The following CYP2C19 variants were observed in gnomAD, a reference collection of about 807,000 sequenced individuals.
CYP2C19 encodes the protein cytochrome P450 2C19.
A neutral mutation model predicts 40.9 loss-of-function variants in CYP2C19; 59 were observed. That is an observed-to-expected ratio of 1.44 (90% CI 1.17 to 1.79). The LOEUF is 1.79. Ranked by LOEUF, CYP2C19 falls within the 40% of genes most tolerant of loss-of-function variation. The probability of loss-of-function intolerance (pLI) is 0.00; values close to 1 mark genes in which losing one functional copy is unlikely to be tolerated. For missense variants in CYP2C19, 754 were observed against 596.9 expected, an observed-to-expected ratio of 1.26 and a Z score of -2.74; for synonymous variants, 253 against 208.7, an observed-to-expected ratio of 1.21 and a Z score of -1.83.
chr10:94,815,832 C>T (rs1440868858), intron 5 of CYP2C19, among the ~76,000 whole-genome samples: 1 of 152,118 alleles, frequency 6.6e-6, no homozygotes, highest in Non-Finnish European at 1.5e-5. Flanking sequence ...TGTTTTTATA[C>T]AATTTCAACT....
At chr10:94,797,111 T>C (rs1284142511) in intron 5 of CYP2C19, among the ~76,000 whole-genome samples, 1 of 152,142 alleles carries the variant, frequency 6.6e-6, no homozygotes, top group Non-Finnish European at 1.5e-5. Flanking sequence ...CCATTCAGTA[T>C]GATATTGGCT....
At chr10:94,797,633 G>A (rs1459113220) in intron 5 of CYP2C19, among the ~76,000 whole-genome samples, 2 of 151,626 alleles carry the variant, frequency 1.3e-5, no homozygotes, top group Non-Finnish European at 2.9e-5. Context: ...TTTTTTTTTG[G>A]TTGGTAGGCT....
At chr10:94,788,323 G>A (rs962457240) in intron 5 of CYP2C19, among the ~76,000 whole-genome samples, 3 of 152,106 alleles carry the variant, frequency 2.0e-5, no homozygotes, top group African/African-American at 7.2e-5. Context: ...TTCTAGGTCT[G>A]AGATGGAGCT....
chr10:94,847,239 C>T (rs1022128147), intron 7 of CYP2C19, among the ~76,000 whole-genome samples: 2 of 152,078 alleles, frequency 1.3e-5, no homozygotes, highest in African/African-American at 2.4e-5. Flanking sequence ...CCCTCCACCC[C>T]AAAACAGTCC....
chr10:94,794,247 G>A (rs769219043), intron 5 of CYP2C19, among the ~76,000 whole-genome samples: 1 of 152,072 alleles, frequency 6.6e-6, no homozygotes, highest in Non-Finnish European at 1.5e-5. Flanking sequence ...AATTTTCCAG[G>A]AACCATCTGT....
At chr10:94,791,978 T>C (rs1848611038) in intron 5 of CYP2C19, among the ~76,000 whole-genome samples, 1 of 152,118 alleles carries the variant, frequency 6.6e-6, no homozygotes, top group Non-Finnish European at 1.5e-5. Flanking sequence ...AAGCCTCCCA[T>C]TATTATTGTG....
Position 94,842,225 on chromosome 10 carries a change from C to T in CYP2C19, c.962-612C>T, listed in dbSNP as rs142374225. On this transcript the variant is annotated intron_variant, in intron 6 of 8. Coordinates refer to ENST00000371321, the MANE Select transcript of CYP2C19 (RefSeq NM_000769.4). ...TTCCATCCTCTTGCCAAGCTGACTGCTTTATCATCAATTGTCATATTCTTT... is the reference window on the plus strand; with the variant it reads ...TTCCATCCTCTTGCCAAGCTGACTGTTTTATCATCAATTGTCATATTCTTT... Among the ~76,000 whole-genome samples the T allele has an allele frequency of 3.1e-3, 473 of 152,022 alleles. 3 individuals carry two copies. Among genetic ancestry groups the T allele is most frequent in the African/African-American group, 0.011 (450 of 41,360 alleles).
rs567260291 is a variant in CYP2C19, at chr10:94,827,969, C to G, written c.961+7332C>G. ...GTTGTTCAGTTTCCATGTAGTTGAG[C>G]GGTTTTGAGTGAGTTTCTTAATCCC... On this transcript the variant is annotated intron_variant, in intron 6 of 8. Coordinates refer to ENST00000371321, the MANE Select transcript of CYP2C19 (RefSeq NM_000769.4). 1.6e-3 allele frequency among the ~76,000 whole-genome samples: 244 copies of G among 151,732 alleles called. 1 individual carries two copies. Among genetic ancestry groups the G allele is most frequent in the Non-Finnish European group, 2.8e-3 (188 of 67,938 alleles).
chr10:94,768,455 C>T (rs541902102), intron 1 of CYP2C19, among the ~76,000 whole-genome samples: 2 of 152,150 alleles, frequency 1.3e-5, no homozygotes, highest in South Asian at 2.1e-4. Context: ...ACCTTGGTTC[C>T]CCATCCTCTG....
chr10:94,765,527 C>G (rs1487029695), intron 1 of CYP2C19, among the ~76,000 whole-genome samples: 1 of 152,058 alleles, frequency 6.6e-6, no homozygotes. Flanking sequence ...GTGTTGGGAG[C>G]AAACTGAGTG....
intron 6 of CYP2C19, among the ~76,000 whole-genome samples, chr10:94,840,962 G>T (rs1196421525): frequency 6.6e-6 from 1 of 152,314 alleles, no homozygotes; most frequent in Admixed American, 6.5e-5. Context: ...TAGTGAAAGT[G>T]GTCCAATATT....
intron 5 of CYP2C19, among the ~76,000 whole-genome samples, chr10:94,782,347 G>A (rs960742564): frequency 6.6e-6 from 1 of 151,992 alleles, no homozygotes; most frequent in East Asian, 1.9e-4. Flanking sequence ...AGTGAGTGAA[G>A]GATATGAACA....
At chr10:94,777,622 C>T (rs976580085) in intron 3 of CYP2C19, among the ~76,000 whole-genome samples, 2 of 152,066 alleles carry the variant, frequency 1.3e-5, no homozygotes, top group Non-Finnish European at 2.9e-5. Context: ...AAACTGGATC[C>T]CTTCCTTTCA....
intron 7 of CYP2C19, among the ~76,000 whole-genome samples, chr10:94,848,599 T>C (rs1849607208): frequency 6.6e-6 from 1 of 152,204 alleles, no homozygotes; most frequent in Non-Finnish European, 1.5e-5. Flanking sequence ...AAGTAGTTTT[T>C]CCAATTCTGT....
chr10:94,849,959 A>T lies in CYP2C19; in HGVS notation c.1192A>T (p.Asn398Tyr), dbSNP rs1589379577. ...TTCCCTCACTTCTGTGCTACATGAC[A>T]ACAAAGAATTTCCCAACCCAGAGAT... Reference protein sequence around the residue: ...LTSLTSVLHDNKEFPNPEMFD... With the variant: ...LTSLTSVLHDYKEFPNPEMFD... Residue 398 changes from asparagine to tyrosine, a missense_variant, in exon 8 of 9, where the codon AAC becomes TAC. Transcript: ENST00000371321. 2.5e-6 allele frequency: 4 copies of T among 1,613,690 alleles called. No individual in the cohort carries two copies. Among genetic ancestry groups the T allele is most frequent in the Admixed American group, 3.3e-5 (2 of 59,954 alleles).
intron 6 of CYP2C19, among the ~76,000 whole-genome samples, chr10:94,822,866 T>C (rs1482969583): frequency 6.6e-6 from 1 of 152,178 alleles, no homozygotes; most frequent in Admixed American, 6.6e-5. Context: ...TGTTGGCTGC[T>C]TGTATGTCAT....
At chr10:94,794,083 C>T (rs1336250433) in intron 5 of CYP2C19, among the ~76,000 whole-genome samples, 2 of 152,158 alleles carry the variant, frequency 1.3e-5, no homozygotes, top group Non-Finnish European at 2.9e-5. Context: ...CCCAGCCTTG[C>T]TGCCACCTTG....
chr10:94,770,221 T>C (rs1375325404), intron 1 of CYP2C19, among the ~76,000 whole-genome samples: 1 of 152,066 alleles, frequency 6.6e-6, no homozygotes, highest in Non-Finnish European at 1.5e-5. Context: ...TGTTGGATCA[T>C]CTGGTTGGGG....
intron 6 of CYP2C19, among the ~76,000 whole-genome samples, chr10:94,827,997 G>T (rs1456237423): frequency 6.6e-6 from 1 of 151,850 alleles, no homozygotes; most frequent in African/African-American, 2.4e-5. Context: ...TTAATCCCGA[G>T]TTCTAGTTTG....
Sources: gnomAD v4.1 joint callset for allele counts (sites outside exome capture counted in the v4.1 genomes callset) on GRCh38, gnomAD v4.1.1 for gene constraint, MANE v1.5 for transcripts, NCBI Gene and HGNC (gene_info 2026-07-23, HGNC 2026-07-21) for gene names.